Variants in MACROD2 observed in about 807,000 individuals in gnomAD.
MACROD2 encodes ADP-ribose glycohydrolase MACROD2.
A neutral mutation model predicts 70.4 loss-of-function variants in MACROD2; 36 were observed. That is an observed-to-expected ratio of 0.51 (90% confidence interval 0.39 to 0.68). MACROD2 has a LOEUF of 0.68. Among genes scored for constraint, MACROD2 ranks in the 30% least tolerant of loss-of-function variants. MACROD2 has a pLI of 0.00. For synonymous variants in MACROD2, 172 were observed against 178.8 expected, an observed-to-expected ratio of 0.96 and a Z score of 0.30; for missense variants, 496 against 538.4, an observed-to-expected ratio of 0.92 and a Z score of 0.78.
At chr20:15,222,350 A>C (rs1263984838) in intron 5 of MACROD2, among the ~76,000 whole-genome samples, 1 of 152,188 alleles carries the variant, frequency 6.6e-6, no homozygotes, top group Non-Finnish European at 1.5e-5. Context: ...GTATATGAAA[A>C]CACTGACCTA....
chr20:15,270,794 T>C (rs1453458407), intron 6 of MACROD2, among the ~76,000 whole-genome samples: 1 of 152,170 alleles, frequency 6.6e-6, no homozygotes, highest in Admixed American at 6.5e-5. Flanking sequence ...TGCCTCCATG[T>C]TGAGCCTTCT....
chr20:14,521,616 G>C (rs867499384), intron 4 of MACROD2, among the ~76,000 whole-genome samples: 1 of 152,212 alleles, frequency 6.6e-6, no homozygotes, highest in African/African-American at 2.4e-5. Flanking sequence ...TGAATAGTGT[G>C]TATGCATTGA....
intron 9 of MACROD2, among the ~76,000 whole-genome samples, chr20:15,881,531 T>C (rs2064754269): frequency 1.3e-5 from 2 of 152,088 alleles, no homozygotes; most frequent in African/African-American, 4.8e-5. Flanking sequence ...CTGAAAAACA[T>C]CTCAGAAGTC....
rs138196385 is a variant in MACROD2 at position 14,053,965 on chromosome 20, G to A, written c.164-31656G>A. ...GTTGGTATAAACCCTGATCCTAAACGGTAAATTAATACTTGGAAATTAAGA... is the reference window on the plus strand; with the variant it reads ...GTTGGTATAAACCCTGATCCTAAACAGTAAATTAATACTTGGAAATTAAGA... On this transcript the variant is annotated intron_variant, in intron 2 of 17. Coordinates refer to ENST00000684519, the MANE Select transcript of MACROD2 (RefSeq NM_001351661.2). 5.0e-3 allele frequency among the ~76,000 whole-genome samples: 758 copies of A among 151,914 alleles called. 7 individuals are homozygous for A. The highest frequency in any genetic ancestry group is 0.018 in the African/African-American group (727 of 41,448).
chr20:15,951,573 A>G (rs2065906795), intron 12 of MACROD2, among the ~76,000 whole-genome samples: 1 of 152,136 alleles, frequency 6.6e-6, no homozygotes, highest in Admixed American at 6.6e-5. Flanking sequence ...GTCAAATTAG[A>G]ATGGAAAGGC....
chr20:14,824,175 A>G (rs188843705), intron 5 of MACROD2, among the ~76,000 whole-genome samples: 13 of 152,208 alleles, frequency 8.5e-5, no homozygotes, highest in Admixed American at 8.5e-4. Context: ...TATTTGACCA[A>G]TTGTTTTTGT....
intron 3 of MACROD2, among the ~76,000 whole-genome samples, chr20:14,329,908 A>G (rs945961272): frequency 2.0e-5 from 3 of 152,052 alleles, no homozygotes; most frequent in Non-Finnish European, 4.4e-5. Flanking sequence ...TTAGGGGTGT[A>G]TCTAAGGACT....
chr20:14,225,786 A>C (rs183433470), intron 3 of MACROD2, among the ~76,000 whole-genome samples: 153 of 152,300 alleles, frequency 1.0e-3, no homozygotes, highest in African/African-American at 3.5e-3. Flanking sequence ...AGCTTAGGTG[A>C]TCCAAAATAT....
Position 15,904,143 on chromosome 20 carries a change from G to A in MACROD2, c.775+18332G>A, listed in dbSNP as rs200963265. Among the ~76,000 whole-genome samples, 14 of 152,230 alleles carry A rather than the reference G, an allele frequency of 9.2e-5. No homozygotes were observed. In the South Asian group the frequency reaches 1.0e-3, roughly 11 times the overall value. On this transcript the variant is annotated intron_variant, in intron 10 of 17. Transcript: ENST00000684519. ...CTCACCCCGGGAAGGCCATAGTAGC[G>A]CACCCCGAGGCCAAAGTTCCTTGTT...
At chr20:15,875,666 G>A (rs1372448532) in intron 9 of MACROD2, among the ~76,000 whole-genome samples, 4 of 152,022 alleles carry the variant, frequency 2.6e-5, no homozygotes, top group South Asian at 4.1e-4. Context: ...CCAACGGAGG[G>A]GAGTGTGCAG....
intron 6 of MACROD2, among the ~76,000 whole-genome samples, chr20:15,395,958 C>G (rs1310628659): frequency 1.3e-5 from 2 of 152,210 alleles, no homozygotes; most frequent in African/African-American, 2.4e-5. Context: ...AACTTGCTGA[C>G]TCTCAGCACA....
intron 12 of MACROD2, among the ~76,000 whole-genome samples, chr20:15,947,484 T>C (rs2065841339): frequency 6.6e-6 from 1 of 152,204 alleles, no homozygotes; most frequent in South Asian, 2.1e-4. Flanking sequence ...CTAGATCCCT[T>C]AAACCTTGAT....
intron 4 of MACROD2, among the ~76,000 whole-genome samples, chr20:14,496,656 T>A (rs1467611786): frequency 2.0e-5 from 3 of 148,732 alleles, no homozygotes; most frequent in African/African-American, 7.9e-5. Flanking sequence ...TTACTTCTAC[T>A]CAGTCATTTC....
rs558753069 is a variant in MACROD2, at chr20:15,164,957, A to G, written c.419-64983A>G. 2.0e-5 allele frequency among the ~76,000 whole-genome samples: 3 copies of G among 152,154 alleles called. No individual in the cohort carries two copies. In the South Asian group the frequency reaches 6.2e-4, roughly 32 times the overall value. On this transcript the variant is annotated intron_variant, in intron 5 of 17. Coordinates refer to ENST00000684519, the MANE Select transcript of MACROD2 (RefSeq NM_001351661.2). ...TCAGCATAAATGAGCTAGAAGGAAGAAAGAATAAGAGGTAGAAATTACTGA... is the reference window on the plus strand; with the variant it reads ...TCAGCATAAATGAGCTAGAAGGAAGGAAGAATAAGAGGTAGAAATTACTGA...
intron 10 of MACROD2, chr20:15,893,764 C>T: frequency 2.2e-6 from 1 of 456,670 alleles, no homozygotes; most frequent in Non-Finnish European, 4.4e-6. Context: ...ACCTCCTCCA[C>T]TGGGAAATGA....
At chr20:15,177,327 A>AT (rs2076469818) in intron 5 of MACROD2, among the ~76,000 whole-genome samples, 1 of 152,214 alleles carries the variant, frequency 6.6e-6, no homozygotes, top group African/African-American at 2.4e-5. Context: ...TTGAATACGC[A>AT]CTGGTCCAAA....
At chr20:15,417,625 G>GA (rs2046173095) in intron 6 of MACROD2, among the ~76,000 whole-genome samples, 1 of 121,626 alleles carries the variant, frequency 8.2e-6, no homozygotes, top group South Asian at 2.7e-4. Context: ...AAGAAAGAAA[G>GA]AAAGAAAAGA....
At chr20:14,862,830 A>G (rs997543653) in intron 5 of MACROD2, among the ~76,000 whole-genome samples, 2 of 147,084 alleles carry the variant, frequency 1.4e-5, no homozygotes, top group African/African-American at 5.0e-5. Flanking sequence ...ATTTTCAGAG[A>G]AGAGAGCAGA....
intron 4 of MACROD2, among the ~76,000 whole-genome samples, chr20:14,536,271 A>G (rs1600354888): frequency 6.6e-6 from 1 of 152,168 alleles, no homozygotes; most frequent in Admixed American, 6.5e-5. Flanking sequence ...CCATTAACAT[A>G]AGTGGAATTT....
Sources: allele counts gnomAD v4.1 joint callset (sites outside exome capture counted in the v4.1 genomes callset), GRCh38; gene constraint gnomAD v4.1.1; transcripts MANE v1.5; gene names NCBI Gene and HGNC (gene_info 2026-07-23, HGNC 2026-07-21).